LRRC32: variants seen among roughly 807,000 people sequenced by gnomAD.
LRRC32 encodes the protein leucine rich repeat containing 32, also known as transforming growth factor beta activator LRRC32.
LRRC32 carries 5 observed loss-of-function variants against 15.0 expected under a neutral mutation model. That is an observed-to-expected ratio of 0.33 (90% CI 0.17 to 0.70). The LOEUF (loss-of-function observed/expected upper bound fraction) is 0.70, where lower values mean the gene tolerates loss of function less well. Ranked by LOEUF, LRRC32 falls within the 30% of genes least tolerant of loss-of-function variation. The pLI is 0.66. For missense variants in LRRC32, 803 were observed against 854.2 expected, an observed-to-expected ratio of 0.94 and a Z score of 0.75; for synonymous variants, 391 against 403.9, an observed-to-expected ratio of 0.97 and a Z score of 0.38.
In LRRC32 at chr11:76,670,258, C is replaced by G. The variant is rs531774191; in HGVS notation, c.-5+356G>C. Among the ~76,000 whole-genome samples, 164 of 152,366 alleles carry G rather than the reference C, an allele frequency of 1.1e-3. 2 individuals carry two copies. The South Asian group carries it at 0.014, about 13-fold the overall frequency. ...ATCTAGTGCTGTGGGATGGGCAGCCCCACGCCTGGCTGGGATCGGAGCGTT... is the reference window on the plus strand; with the variant it reads ...ATCTAGTGCTGTGGGATGGGCAGCCGCACGCCTGGCTGGGATCGGAGCGTT... On this transcript the variant is annotated intron_variant, in intron 1 of 2. Transcript: ENST00000260061.
Position 76,658,392 on chromosome 11 carries a change from A to G in LRRC32, c.*1212T>C, listed in dbSNP as rs11236838. The G allele has an allele frequency of 8.5e-3, 1,306 of 153,076 alleles. 16 individuals carry two copies. Among genetic ancestry groups the G allele is most frequent in the Middle Eastern group, 0.03 (9 of 298 alleles). 9.5% of individuals were successfully genotyped at this position (153,076 alleles called of 1,614,324 possible). On this transcript the variant is annotated 3_prime_UTR_variant, in exon 3 of 3. Transcript: ENST00000260061. ...AAAGGAAGGGAGGAGGGAAACAGGC[A>G]GAGAAGGAGGAGAGCGCCTGCAGCT... is the stretch of plus-strand genomic sequence containing the variant.
chr11:76,669,386 T>TGTGTGTGTGTGA (rs1439284769), intron 1 of LRRC32, among the ~76,000 whole-genome samples: 25 of 127,942 alleles, frequency 2.0e-4, no homozygotes, highest in East Asian at 4.4e-4. Context: ...TGTGTGTGTG[T>TGTGTGTGTGTGA]GAGAGAGAGA....
chr11:76,666,881 G>A (rs553609686), intron 1 of LRRC32, among the ~76,000 whole-genome samples: 6 of 152,180 alleles, frequency 3.9e-5, no homozygotes, highest in Non-Finnish European at 7.3e-5. Context: ...AAAAACAAAT[G>A]AACACGAAAA....
intron 1 of LRRC32, chr11:76,669,907 T>A (rs1333348960): frequency 6.6e-6 from 1 of 152,330 alleles, no homozygotes; most frequent in Non-Finnish European, 1.5e-5. Flanking sequence ...CAGGGCAGAC[T>A]AGCTCACAGT....
intron 2 of LRRC32, among the ~76,000 whole-genome samples, chr11:76,664,744 T>G (rs1160692810): frequency 1.3e-5 from 2 of 152,226 alleles, no homozygotes; most frequent in African/African-American, 4.8e-5. Context: ...CCCCTCTGCC[T>G]GTTGGGTAGT....
Position 76,660,795 on chromosome 11 carries a change from T to C in LRRC32, c.798A>G (p.Arg266=), listed in dbSNP as rs1262554844. The change falls in exon 3 of 3, where the codon AGA becomes AGG. Residue 266 remains arginine, a synonymous_variant. Transcript: ENST00000260061. ...TGTTGGACAAGTTCAGGTAGATGAG[T>C]CTCGGGAGCGCGGCCAGGTCGGGGA... ...LHFPDLAALP[R]LIYLNLSNNL... 5.6e-6 allele frequency: 9 copies of C among 1,613,678 alleles called. No individual in the cohort carries two copies. The Middle Eastern group carries it at 4.9e-4, about 89-fold the overall frequency.
At position 76,664,922 on chromosome 11, in the gene LRRC32, G is replaced by C. The variant is rs541852837; in HGVS notation, c.84+949C>G. On this transcript the variant is annotated intron_variant, in intron 2 of 2. Transcript: ENST00000260061. ...AGGAGACATTGCACCCCCAGGGAAG[G>C]GCTGCGGGCAGGCAGCTGCCTGCAC... Among the ~76,000 whole-genome samples the C allele has an allele frequency of 3.2e-4, 49 of 152,350 alleles. No individual in the cohort carries two copies. In the South Asian group the frequency reaches 3.3e-3, roughly 10 times the overall value.
At position 76,670,334 on chromosome 11, in the gene LRRC32, C is replaced by T. The variant is rs767242767; in HGVS notation, c.-5+280G>A. ...GTTTGCCCTTGCCTAGCTGTGTGTT[C>T]CTGGGCAAGTCACGGTCTTCAGGCC... On this transcript the variant is annotated intron_variant, in intron 1 of 2. Coordinates refer to ENST00000260061, the MANE Select transcript of LRRC32 (RefSeq NM_001128922.2). Among the ~76,000 whole-genome samples the T allele has an allele frequency of 4.1e-4, 63 of 152,186 alleles. 1 individual carries two copies. Among genetic ancestry groups the T allele is most frequent in the Non-Finnish European group, 4.1e-4 (28 of 68,030 alleles).
In LRRC32 at chr11:76,658,300, A is replaced by C. The variant is rs1803627; in HGVS notation, c.*1304T>G. 0.078 allele frequency: 11,934 copies of C among 152,404 alleles called. 596 individuals are homozygous for C. Among genetic ancestry groups the C allele is most frequent in the South Asian group, 0.14 (671 of 4,824 alleles). 9.4% of individuals were successfully genotyped at this position (152,404 alleles called of 1,614,324 possible). ...TAGTCTCAAACTCCAGGCTCTGCTC[A>C]ATAGAGGAAAAGGGAATGAGAGAAT... On this transcript the variant is annotated 3_prime_UTR_variant, in exon 3 of 3. Transcript: ENST00000260061.
intron 2 of LRRC32, among the ~76,000 whole-genome samples, chr11:76,664,531 C>T (rs564212627): frequency 6.6e-6 from 1 of 152,324 alleles, no homozygotes; most frequent in East Asian, 1.9e-4. Flanking sequence ...CTCCATTTCA[C>T]CACCTGATCA....
At position 76,660,145 on chromosome 11, in the gene LRRC32, G is replaced by T. The variant is rs745681566; in HGVS notation, c.1448C>A (p.Thr483Lys). The T allele has an allele frequency of 1.2e-6, 2 of 1,606,418 alleles. No homozygotes were observed. Among genetic ancestry groups the T allele is most frequent in the South Asian group, 2.2e-5 (2 of 90,168 alleles). Residue 483 changes from threonine to lysine, a missense_variant, in exon 3 of 3, where the codon ACG becomes AAG. Thr to Lys is a moderately conservative substitution (Grantham distance 78, BLOSUM62 -1). Coordinates refer to ENST00000260061, the MANE Select transcript of LRRC32 (RefSeq NM_001128922.2). ...LSSNPGLEVA[T>K]GALGGLEASL... ...GGCCTCCAGGCCTCCCAAGGCCCCC[G>T]TGGCCACCTCCAGCCCAGGATTGGA... is the stretch of plus-strand genomic sequence containing the variant.
chr11:76,668,510 C>T (rs756375558), intron 1 of LRRC32, among the ~76,000 whole-genome samples: 12 of 152,220 alleles, frequency 7.9e-5, no homozygotes, highest in Admixed American at 7.9e-4. Context: ...CACATTCCAG[C>T]TTTCCTGCTG....
Position 76,660,381 on chromosome 11 carries a change from G to A in LRRC32, c.1212C>T (p.Tyr404=), listed in dbSNP as rs1196216283. ...GCAGGCTGGCCAGATTGGCAAAGGT[G>A]TATGGGGGCAGGTCCCGCAGGGCAT... ...QGNALRDLPP[Y]TFANLASLQR... is the part of the protein sequence containing the mutation. Residue 404 remains tyrosine, a synonymous_variant, in exon 3 of 3, where the codon TAC becomes TAT. Coordinates refer to ENST00000260061, the MANE Select transcript of LRRC32 (RefSeq NM_001128922.2). 9.9e-6 allele frequency: 16 copies of A among 1,613,580 alleles called. No homozygotes were observed. The highest frequency in any genetic ancestry group is 1.7e-5 in the Admixed American group (1 of 59,944).
At chr11:76,667,712 C>T (rs1952648029) in intron 1 of LRRC32, among the ~76,000 whole-genome samples, 2 of 152,272 alleles carry the variant, frequency 1.3e-5, no homozygotes, top group African/African-American at 2.4e-5. Flanking sequence ...AGTGAAAACC[C>T]CTCCGGCAGG....
Position 76,660,049 on chromosome 11 carries a change from C to G in LRRC32, c.1544G>C (p.Cys515Ser). 1.2e-6 allele frequency: 2 copies of G among 1,614,140 alleles called. No homozygotes were observed. Residue 515 changes from cysteine to serine, a missense_variant, in exon 3 of 3, where the codon TGC becomes TCC. By Grantham distance (112) the Cys-to-Ser change is moderately radical. Transcript: ENST00000260061. ...VLQVDLPCFI[C>S]LKRLNLAENR... Reference sequence around the variant, plus strand: ...CTCGGCAAGATTGAGCCGCTTGAGGCAGATGAAGCAGGGCAGGTCCACCTG... The same window carrying G: ...CTCGGCAAGATTGAGCCGCTTGAGGGAGATGAAGCAGGGCAGGTCCACCTG...
At chr11:76,669,636 G>T (rs1167947302) in intron 1 of LRRC32, 9 of 152,124 alleles carry the variant, frequency 5.9e-5, no homozygotes, top group Non-Finnish European at 1.3e-4. Flanking sequence ...CTTTGGAGCT[G>T]GGATTTATCC....
In LRRC32 at chr11:76,660,816, G is replaced by A. The variant is rs753906562; in HGVS notation, c.777C>T (p.Pro259=). Residue 259 remains proline (P), a synonymous_variant, in exon 3 of 3, where the codon CCC becomes CCT. Coordinates refer to ENST00000260061, the MANE Select transcript of LRRC32 (RefSeq NM_001128922.2). ...DLRENKLLHF[P]DLAALPRLIY... ...TGAGTCTCGGGAGCGCGGCCAGGTCGGGGAAATGGAGCAGTTTGTTCTCCC... is the reference window on the plus strand; with the variant it reads ...TGAGTCTCGGGAGCGCGGCCAGGTCAGGGAAATGGAGCAGTTTGTTCTCCC... The A allele has an allele frequency of 3.5e-5, 56 of 1,614,024 alleles. No individual in the cohort carries two copies. The highest frequency in any genetic ancestry group is 1.3e-4 in the Admixed American group (8 of 60,006).
At chr11:76,665,979 AGG>A (rs1565406547) in intron 1 of LRRC32, 21 bp from the exon 2 acceptor site, 1 of 1,610,512 alleles carries the variant, frequency 6.2e-7, no homozygotes, top group East Asian at 2.2e-5. Flanking sequence ...CGGAGAGGAA[AGG>A]GGAACACTGT....
Position 76,659,913 on chromosome 11 carries a change from C to A in LRRC32, c.1680G>T (p.Glu560Asp). Residue 560 changes from glutamate (E) to aspartate (D), a missense_variant, in exon 3 of 3, where the codon GAG becomes GAT. Physicochemically the swap from Glu to Asp is conservative, Grantham distance 45. Transcript: ENST00000260061. ...LLPGSAMGGL[E>D]TSLRRLYLQG... ...GCAGGTAGAGGCGCCGGAGGCTGGT[C>A]TCCAGGCCACCCATGGCACTGCCTG... 6.2e-7 allele frequency: 1 copy of A among 1,613,842 alleles called. No homozygotes were observed. The highest frequency in any genetic ancestry group is 1.1e-5 in the South Asian group (1 of 91,066).
Sources: gnomAD v4.1 joint callset for allele counts (sites outside exome capture counted in the v4.1 genomes callset) on GRCh38, gnomAD v4.1.1 for gene constraint, MANE v1.5 for transcripts, NCBI Gene and HGNC (gene_info 2026-07-23, HGNC 2026-07-21) for gene names.